Variants in CXCL13 observed in about 807,000 individuals in gnomAD.
CXCL13 encodes C-X-C motif chemokine ligand 13, also known as C-X-C motif chemokine 13.
Under a neutral mutation model 12.2 loss-of-function variants are expected in CXCL13, and 7 were observed. The observed-to-expected ratio is 0.57, with a 90% CI of 0.33 to 1.07. The LOEUF (loss-of-function observed/expected upper bound fraction) is 1.07, where lower values mean the gene tolerates loss of function less well. Among genes scored for constraint, CXCL13 ranks in the 50% least tolerant of loss-of-function variants. The pLI is 0.04. For synonymous variants in CXCL13, 47 were observed against 42.4 expected (o/e 1.11, Z -0.42); for missense variants, 113 against 127.4 (o/e 0.89, Z 0.55).
chr4:77,538,424 T>A (rs1039249570), intron 1 of CXCL13, among the ~76,000 whole-genome samples: 2 of 56,170 alleles, frequency 3.6e-5, no homozygotes, highest in Admixed American at 3.0e-4. Flanking sequence ...ATGTCTTGTC[T>A]TTTTTTTTTT....
At chr4:77,593,942 T>G (rs1285628979) in intron 1 of CXCL13, among the ~76,000 whole-genome samples, 4 of 152,206 alleles carry the variant, frequency 2.6e-5, no homozygotes, top group Non-Finnish European at 4.4e-5. Context: ...TGGGCTGAGT[T>G]AGAGGATAAA....
chr4:77,585,949 G>T (rs189690070), intron 1 of CXCL13, among the ~76,000 whole-genome samples: 195 of 152,214 alleles, frequency 1.3e-3, no homozygotes, highest in African/African-American at 4.6e-3. Context: ...TTGAGCCCCA[G>T]TACATTGATT....
At chr4:77,543,973 C>T (rs919654828) in intron 1 of CXCL13, among the ~76,000 whole-genome samples, 2 of 152,102 alleles carry the variant, frequency 1.3e-5, no homozygotes, top group Non-Finnish European at 2.9e-5. Flanking sequence ...GTTTAATTCC[C>T]ACCTATGAGT....
chr4:77,611,511 T>A lies in CXCL13; in HGVS notation c.*472T>A, dbSNP rs1270416646. The A allele has an allele frequency of 2.5e-6, 1 of 395,096 alleles. No homozygotes were observed. Among genetic ancestry groups the A allele is most frequent in the Non-Finnish European group, 4.5e-6 (1 of 224,686 alleles). 24.5% of individuals were successfully genotyped at this position (395,096 alleles called of 1,614,324 possible). On this transcript the variant is annotated 3_prime_UTR_variant, in exon 4 of 4. Coordinates refer to ENST00000682537, the MANE Select transcript of CXCL13 (RefSeq NM_001371558.1). The stretch of plus-strand genomic sequence containing the variant: ...GCCTGTCAAGAGGCAAAGGAATCCA[T>A]GTAGTAGATATCCTCTGCTTAAAAA...
intron 1 of CXCL13, among the ~76,000 whole-genome samples, chr4:77,595,098 A>ATTTT (rs58429511): frequency 1.1e-4 from 16 of 141,424 alleles, no homozygotes; most frequent in Admixed American, 8.4e-4. Flanking sequence ...GTTTTAGGTG[A>ATTTT]TTTTTTTTTT....
At chr4:77,603,821 T>C (rs941058476), upstream of CXCL13, among the ~76,000 whole-genome samples, 2 of 152,230 alleles carry the variant, frequency 1.3e-5, no homozygotes, top group African/African-American at 4.8e-5. Flanking sequence ...AGGCTATTTA[T>C]TGAATACATT....
intron 1 of CXCL13, among the ~76,000 whole-genome samples, chr4:77,519,336 C>T (rs1333373532): frequency 6.6e-6 from 1 of 152,180 alleles, no homozygotes; most frequent in Non-Finnish European, 1.5e-5. Context: ...GATGGAAATG[C>T]AGAAATCACC....
At chr4:77,530,465 T>C (rs924402518) in intron 1 of CXCL13, among the ~76,000 whole-genome samples, 1 of 152,208 alleles carries the variant, frequency 6.6e-6, no homozygotes, top group Non-Finnish European at 1.5e-5. Context: ...CCTGTTATTG[T>C]CTATTCAGAG....
chr4:77,520,584 G>A (rs1724566492), intron 1 of CXCL13, among the ~76,000 whole-genome samples: 1 of 152,210 alleles, frequency 6.6e-6, no homozygotes, highest in Non-Finnish European at 1.5e-5. Context: ...AGACTTTGCT[G>A]AAGTTGCTTA....
intron 1 of CXCL13, among the ~76,000 whole-genome samples, chr4:77,581,701 C>T (rs573358164): frequency 1.3e-5 from 2 of 152,238 alleles, no homozygotes; most frequent in East Asian, 3.9e-4. Context: ...GGACAAAAAC[C>T]TCCCAAACCT....
intron 1 of CXCL13, among the ~76,000 whole-genome samples, chr4:77,599,099 G>T (rs149613278): frequency 6.6e-6 from 1 of 151,778 alleles, no homozygotes; most frequent in Non-Finnish European, 1.5e-5. Flanking sequence ...ATGAGCCACC[G>T]CACCCGGCCA....
intron 1 of CXCL13, among the ~76,000 whole-genome samples, chr4:77,554,221 T>A (rs1462141992): frequency 6.6e-6 from 1 of 152,036 alleles, no homozygotes; most frequent in Admixed American, 6.6e-5. Flanking sequence ...AGTAGTGAGA[T>A]TATTATTATA....
chr4:77,552,209 A>C (rs567924867), intron 1 of CXCL13, among the ~76,000 whole-genome samples: 113 of 152,262 alleles, frequency 7.4e-4, no homozygotes, highest in African/African-American at 2.6e-3. Flanking sequence ...AGATGCTAGC[A>C]CTTCTAATAT....
chr4:77,561,216 C>A (rs188917017), intron 1 of CXCL13, among the ~76,000 whole-genome samples: 18 of 152,102 alleles, frequency 1.2e-4, no homozygotes, highest in Admixed American at 1.1e-3. Flanking sequence ...GTCCATGGAC[C>A]AGGAACAGCA....
chr4:77,557,533 A>T (rs924934225), intron 1 of CXCL13, among the ~76,000 whole-genome samples: 1 of 152,208 alleles, frequency 6.6e-6, no homozygotes, highest in African/African-American at 2.4e-5. Context: ...CCTCAGGGAC[A>T]CTGTTTTCTA....
At chr4:77,571,902 C>G (rs964429308) in intron 1 of CXCL13, among the ~76,000 whole-genome samples, 4 of 151,636 alleles carry the variant, frequency 2.6e-5, no homozygotes, top group Non-Finnish European at 5.9e-5. Context: ...ACGAGCCCAC[C>G]AGGAGGAATG....
intron 1 of CXCL13, among the ~76,000 whole-genome samples, chr4:77,528,710 T>C (rs2110083427): frequency 6.6e-6 from 1 of 152,330 alleles, no homozygotes; most frequent in Non-Finnish European, 1.5e-5. Flanking sequence ...TGCAAAAATG[T>C]TCTCCCATTC....
At chr4:77,527,730 TA>T (rs748085008) in intron 1 of CXCL13, among the ~76,000 whole-genome samples, 1 of 152,164 alleles carries the variant, frequency 6.6e-6, no homozygotes, top group Non-Finnish European at 1.5e-5. Context: ...CCAGATTTTG[TA>T]AAGCCACCTT....
chr4:77,529,546 G>A (rs1179369935), intron 1 of CXCL13, among the ~76,000 whole-genome samples: 1 of 152,210 alleles, frequency 6.6e-6, no homozygotes, highest in South Asian at 2.1e-4. Context: ...AAGCAATTGT[G>A]AATGGGAGTT....
Sources: allele counts gnomAD v4.1 joint callset (sites outside exome capture counted in the v4.1 genomes callset), GRCh38; gene constraint gnomAD v4.1.1; transcripts MANE v1.5; gene names NCBI Gene and HGNC (gene_info 2026-07-23, HGNC 2026-07-21).